RSPO3: variants seen among roughly 807,000 people sequenced by gnomAD.
RSPO3 encodes the protein R-spondin 3.
RSPO3 carries 17 observed loss-of-function variants against 36.5 expected under a neutral mutation model. That is an observed-to-expected ratio of 0.47 (90% CI 0.32 to 0.70). The LOEUF (loss-of-function observed/expected upper bound fraction) is 0.70. Ranked by LOEUF, RSPO3 falls within the 30% of genes least tolerant of loss-of-function variation. The pLI is 0.04. For synonymous variants in RSPO3, 108 were observed against 107.0 expected (o/e 1.01, Z -0.06); for missense variants, 294 against 322.5 (o/e 0.91, Z 0.68).
chr6:127,139,428 A>G (rs1774224564), intron 1 of RSPO3, among the ~76,000 whole-genome samples: 1 of 152,172 alleles, frequency 6.6e-6, no homozygotes, highest in Non-Finnish European at 1.5e-5. Flanking sequence ...AGTTTGTTTC[A>G]TTCAAGAATG....
chr6:127,146,660 G>C (rs1774389704), intron 1 of RSPO3, among the ~76,000 whole-genome samples: 1 of 152,114 alleles, frequency 6.6e-6, no homozygotes, highest in African/African-American at 2.4e-5. Context: ...ACATTTCAGA[G>C]ATAGGGATGG....
chr6:127,160,881 T>A (rs1277403372), intron 4 of RSPO3, among the ~76,000 whole-genome samples: 3 of 152,202 alleles, frequency 2.0e-5, no homozygotes, highest in Non-Finnish European at 4.4e-5. Context: ...AAGTCTCTCA[T>A]AAAAACATGT....
chr6:127,144,656 T>TTTTTTTTTTTTTTTTTTTTGA (rs1554220622), intron 1 of RSPO3, among the ~76,000 whole-genome samples: 1 of 147,704 alleles, frequency 6.8e-6, no homozygotes, highest in African/African-American at 2.5e-5. Context: ...TTTTTTTTTT[T>TTTTTTTTTTTTTTTTTTTTGA]CAGACAGAGT....
At position 127,197,612 on chromosome 6, in the gene RSPO3, T is replaced by C; in HGVS notation, c.*1605T>C. 2 of 1,462,886 alleles carry C rather than the reference T, an allele frequency of 1.4e-6. No individual in the cohort carries two copies. The highest frequency in any genetic ancestry group is 2.5e-5 in the East Asian group (1 of 40,026). The allele number at this position is 1,462,886 out of a possible 1,614,324, so 90.6% of individuals were successfully genotyped here. A position where few individuals can be genotyped will look rare whatever the true frequency, so the allele number is the denominator to read the frequency against. On this transcript the variant is annotated 3_prime_UTR_variant, in exon 5 of 5. Coordinates refer to ENST00000356698, the MANE Select transcript of RSPO3 (RefSeq NM_032784.5). ...TGATTCCTAGCCCTCTCAAGATCAC[T>C]GCTTTCTGAAGAATTTGCAATGACT...
At chr6:127,166,050 TA>T (rs1238312453) in intron 4 of RSPO3, among the ~76,000 whole-genome samples, 2 of 151,980 alleles carry the variant, frequency 1.3e-5, no homozygotes, top group Non-Finnish European at 2.9e-5. Context: ...AATAGACATA[TA>T]AAAAATTTCC....
chr6:127,149,608 T>C (rs1774451336), intron 2 of RSPO3, among the ~76,000 whole-genome samples: 1 of 152,068 alleles, frequency 6.6e-6, no homozygotes. Flanking sequence ...ATAATCAGCC[T>C]GTTCCCCTTG....
chr6:127,145,602 T>G (rs956924586), intron 1 of RSPO3, among the ~76,000 whole-genome samples: 1 of 152,166 alleles, frequency 6.6e-6, no homozygotes, highest in Non-Finnish European at 1.5e-5. Flanking sequence ...CTTCCCAGCT[T>G]GGGTCACTGT....
At chr6:127,174,687 A>C (rs1775013462) in intron 4 of RSPO3, among the ~76,000 whole-genome samples, 1 of 151,846 alleles carries the variant, frequency 6.6e-6, no homozygotes, top group South Asian at 2.1e-4. Flanking sequence ...TGTGCTACAC[A>C]ATTATTTAAC....
intron 4 of RSPO3, among the ~76,000 whole-genome samples, chr6:127,176,505 A>C (rs1775058913): frequency 6.6e-6 from 1 of 151,744 alleles, no homozygotes; most frequent in African/African-American, 2.4e-5. Context: ...TTGGGTCCTA[A>C]AATTCCACTT....
At chr6:127,169,892 G>A (rs1774902229) in intron 4 of RSPO3, among the ~76,000 whole-genome samples, 2 of 151,534 alleles carry the variant, frequency 1.3e-5, no homozygotes, top group African/African-American at 4.8e-5. Context: ...TTTTTAAGCA[G>A]CAAGGGGAGC....
At chr6:127,146,862 C>T (rs888676401) in intron 1 of RSPO3, among the ~76,000 whole-genome samples, 1 of 152,126 alleles carries the variant, frequency 6.6e-6, no homozygotes, top group Non-Finnish European at 1.5e-5. Context: ...ATGGAAATCT[C>T]TTGCCCCTTT....
chr6:127,146,918 G>T (rs1477686167), intron 1 of RSPO3, among the ~76,000 whole-genome samples: 2 of 152,038 alleles, frequency 1.3e-5, no homozygotes, highest in Non-Finnish European at 2.9e-5. Context: ...CACGTTTTCT[G>T]TAAGTCACCA....
chr6:127,128,779 G>C lies in RSPO3; in HGVS notation c.97+9490G>C, dbSNP rs573872029. 2.6e-5 allele frequency among the ~76,000 whole-genome samples: 4 copies of C among 152,154 alleles called. No individual in the cohort carries two copies. The South Asian group carries it at 8.3e-4, about 32-fold the overall frequency. On this transcript the variant is annotated intron_variant, in intron 1 of 4. Transcript: ENST00000356698. ...TGATAGAGAATTATCTCAGTCAAAA[G>C]AACAGAGCAAAATGCACACAATAGG... is the stretch of plus-strand genomic sequence containing the variant.
In RSPO3 at chr6:127,187,143, G is replaced by A. The variant is rs567869433; in HGVS notation, c.635-8680G>A. ...GAGATGGGGACAGGGTAGAGTACGA[G>A]TGTTACAAAAAAAAGATGAACACAT... On this transcript the variant is annotated intron_variant, in intron 4 of 4. Transcript: ENST00000356698. Among the ~76,000 whole-genome samples the A allele has an allele frequency of 3.9e-5, 6 of 152,194 alleles. No individual in the cohort carries two copies. In the East Asian group the frequency reaches 9.7e-4, roughly 25 times the overall value.
At chr6:127,165,266 A>G (rs1774800464) in intron 4 of RSPO3, among the ~76,000 whole-genome samples, 1 of 152,080 alleles carries the variant, frequency 6.6e-6, no homozygotes, top group African/African-American at 2.4e-5. Context: ...CTAGGTTTTC[A>G]TAATGTAATT....
chr6:127,161,112 T>C (rs1242138059), intron 4 of RSPO3, among the ~76,000 whole-genome samples: 1 of 152,156 alleles, frequency 6.6e-6, no homozygotes, highest in Non-Finnish European at 1.5e-5. Flanking sequence ...AATGCCTCAG[T>C]GATAGGCCCC....
chr6:127,152,438 A>G (rs1774508448), intron 3 of RSPO3, among the ~76,000 whole-genome samples: 1 of 152,126 alleles, frequency 6.6e-6, no homozygotes, highest in Non-Finnish European at 1.5e-5. Context: ...TCTATATCAC[A>G]AAGGAATATT....
At chr6:127,120,861 C>T (rs1773829499) in intron 1 of RSPO3, among the ~76,000 whole-genome samples, 2 of 152,260 alleles carry the variant, frequency 1.3e-5, no homozygotes, top group African/African-American at 4.8e-5. Context: ...ATGGTGTGTA[C>T]TCTGGTAACT....
chr6:127,163,993 C>A (rs368498715), intron 4 of RSPO3, among the ~76,000 whole-genome samples: 1 of 152,028 alleles, frequency 6.6e-6, no homozygotes, highest in Non-Finnish European at 1.5e-5. Flanking sequence ...CATTGTTTGT[C>A]GGCCTTATTC....
Sources: gnomAD v4.1 joint callset for allele counts (sites outside exome capture counted in the v4.1 genomes callset) on GRCh38, gnomAD v4.1.1 for gene constraint, MANE v1.5 for transcripts, NCBI Gene and HGNC (gene_info 2026-07-23, HGNC 2026-07-21) for gene names.